DCDC1: variants seen among roughly 807,000 people sequenced by gnomAD.
The protein encoded by DCDC1 is doublecortin domain containing 1.
In DCDC1, 200 loss-of-function variants were observed where a neutral mutation model predicts 178.3. The observed-to-expected ratio is 1.12, with a 90% confidence interval of 1.00 to 1.26. The LOEUF (loss-of-function observed/expected upper bound fraction) is 1.26. DCDC1 is among the 50% of genes most tolerant of loss of function. DCDC1 has a pLI of 0.00. For synonymous variants in DCDC1, 690 were observed against 604.8 expected, an observed-to-expected ratio of 1.14 and a Z score of -2.07; for missense variants, 1,983 against 1,749.2, an observed-to-expected ratio of 1.13 and a Z score of -2.38.
chr11:31,183,811 T>A (rs1044063778), intron 9 of DCDC1, among the ~76,000 whole-genome samples: 1 of 152,124 alleles, frequency 6.6e-6, no homozygotes, highest in Non-Finnish European at 1.5e-5. Flanking sequence ...GGAAAAACAT[T>A]CCATGTTCAT....
intron 30 of DCDC1, 83 bp downstream of exon 30, chr11:30,906,457 T>C (rs1945068196): frequency 1.4e-6 from 2 of 1,381,120 alleles, no homozygotes. Flanking sequence ...GAGATGAACT[T>C]GAGTGCAAGG....
chr11:31,146,404 A>G lies in DCDC1; in HGVS notation c.1222-8620T>C, dbSNP rs189369695. Among the ~76,000 whole-genome samples, 49 of 152,040 alleles carry G rather than the reference A, an allele frequency of 3.2e-4. No individual in the cohort carries two copies. The East Asian group carries it at 7.0e-3, about 22-fold the overall frequency. ...CCCAGCCCTAGTCATTTAAATAGTT[A>G]TTTTAGGTCATGATTTCTCTCAGAA... On this transcript the variant is annotated intron_variant, in intron 9 of 38. Transcript: ENST00000684477.
At chr11:31,224,602 T>A (rs954897997) in intron 9 of DCDC1, among the ~76,000 whole-genome samples, 5 of 152,040 alleles carry the variant, frequency 3.3e-5, no homozygotes, top group Admixed American at 6.6e-5. Flanking sequence ...ATTTGCAAAC[T>A]ATGCAGCAGA....
intron 20 of DCDC1, among the ~76,000 whole-genome samples, chr11:30,997,116 T>G (rs1194505056): frequency 6.6e-6 from 1 of 152,174 alleles, no homozygotes; most frequent in Non-Finnish European, 1.5e-5. Flanking sequence ...CCATTTTGAA[T>G]GACATTATGT....
intron 20 of DCDC1, among the ~76,000 whole-genome samples, chr11:31,034,291 A>T (rs551411810): frequency 1.4e-3 from 144 of 105,244 alleles, no homozygotes; most frequent in Non-Finnish European, 1.6e-3. Flanking sequence ...ATTTAAGTTC[A>T]TAAAGTAAAA....
At chr11:31,121,322 C>T (rs191473583) in intron 11 of DCDC1, among the ~76,000 whole-genome samples, 3 of 151,148 alleles carry the variant, frequency 2.0e-5, no homozygotes, top group Admixed American at 6.6e-5. Flanking sequence ...CAACTCTTTC[C>T]TAAAATTCCT....
intron 18 of DCDC1, among the ~76,000 whole-genome samples, chr11:31,069,140 C>T (rs573834500): frequency 2.9e-4 from 44 of 152,138 alleles, no homozygotes; most frequent in Middle Eastern, 3.4e-3. Flanking sequence ...CATGAGCCAC[C>T]GCGCCTGGCC....
chr11:30,963,470 C>A (rs1445123903), intron 20 of DCDC1, among the ~76,000 whole-genome samples: 1 of 152,118 alleles, frequency 6.6e-6, no homozygotes, highest in Non-Finnish European at 1.5e-5. Flanking sequence ...TACAAGATTT[C>A]TTTGCATTTA....
rs137955297 is a variant in DCDC1, at chr11:30,870,218, C to T, written c.*41-4886G>A. Reference sequence around the variant, plus strand: ...TTGACCCTGGTATGTGCTGTTGCTGCGGTGCCTGTATTGCTGGTGAAAACT... The same window carrying T: ...TTGACCCTGGTATGTGCTGTTGCTGTGGTGCCTGTATTGCTGGTGAAAACT... On this transcript the variant is annotated intron_variant, in intron 38 of 38. Coordinates refer to ENST00000684477, the MANE Select transcript of DCDC1 (RefSeq NM_001387274.1). Among the ~76,000 whole-genome samples the T allele has an allele frequency of 2.4e-3, 370 of 152,248 alleles. 2 individuals carry two copies. Among genetic ancestry groups the T allele is most frequent in the African/African-American group, 8.6e-3 (356 of 41,558 alleles).
In DCDC1 at chr11:31,339,753, G is replaced by T. The variant is rs141823684; in HGVS notation, c.-124-4189C>A. On this transcript the variant is annotated intron_variant, in intron 1 of 38. Coordinates refer to ENST00000684477, the MANE Select transcript of DCDC1 (RefSeq NM_001387274.1). ...AGCAACATTGTAATCACAGAAGAAA[G>T]GATTCCTTACAGGACTAAAGTAGAT... Among the ~76,000 whole-genome samples the T allele has an allele frequency of 3.2e-4, 48 of 152,214 alleles. No homozygotes were observed. In the South Asian group the frequency reaches 3.5e-3, roughly 11 times the overall value.
At chr11:30,960,055 T>C (rs1161138112) in intron 20 of DCDC1, among the ~76,000 whole-genome samples, 9 of 152,170 alleles carry the variant, frequency 5.9e-5, no homozygotes, top group Non-Finnish European at 1.2e-4. Flanking sequence ...AGGAGCAATC[T>C]AAATCTCTAT....
chr11:30,903,419 T>C (rs1266449268), intron 32 of DCDC1, 63 bp downstream of exon 32: 8 of 1,372,220 alleles, frequency 5.8e-6, no homozygotes, highest in Non-Finnish European at 7.6e-6. Context: ...GAAATAATCA[T>C]GTTTAACGTT....
intron 7 of DCDC1, among the ~76,000 whole-genome samples, chr11:31,273,677 G>T (rs1006149500): frequency 1.3e-5 from 2 of 152,212 alleles, no homozygotes; most frequent in South Asian, 4.1e-4. Context: ...TTCGAAAGTC[G>T]CTTCCACATT....
At chr11:31,368,087 GTCTAGATA>G (rs1488228540) in intron 1 of DCDC1, among the ~76,000 whole-genome samples, 1 of 152,082 alleles carries the variant, frequency 6.6e-6, no homozygotes, top group Non-Finnish European at 1.5e-5. Flanking sequence ...TGTAAGTAAG[GTCTAGATA>G]TTATGTGACA....
At chr11:31,278,278 TA>T (rs1946142044) in intron 7 of DCDC1, among the ~76,000 whole-genome samples, 1 of 152,266 alleles carries the variant, frequency 6.6e-6, no homozygotes, top group South Asian at 2.1e-4. Context: ...TTGATTATTT[TA>T]GCTTTATAAT....
At chr11:31,031,145 A>G (rs886726952) in intron 20 of DCDC1, among the ~76,000 whole-genome samples, 6 of 152,184 alleles carry the variant, frequency 3.9e-5, no homozygotes, top group African/African-American at 1.2e-4. Flanking sequence ...AGAATTTTGA[A>G]TCACGAACAT....
chr11:31,071,504 A>G (rs2135525797), intron 18 of DCDC1, among the ~76,000 whole-genome samples: 1 of 152,214 alleles, frequency 6.6e-6, no homozygotes, highest in South Asian at 2.1e-4. Flanking sequence ...ATGGTCCCCA[A>G]AGTTCCCTGC....
intron 36 of DCDC1, among the ~76,000 whole-genome samples, chr11:30,891,624 CT>C (rs2134048269): frequency 6.6e-6 from 1 of 152,302 alleles, no homozygotes; most frequent in African/African-American, 2.4e-5. Flanking sequence ...GACATTTCAG[CT>C]TTGTTATAGT....
At chr11:31,180,964 G>A (rs539380513) in intron 9 of DCDC1, among the ~76,000 whole-genome samples, 1 of 152,286 alleles carries the variant, frequency 6.6e-6, no homozygotes. Context: ...AGATCCACTG[G>A]TTTGAAATTC....
Sources: gnomAD v4.1 joint callset for allele counts (sites outside exome capture counted in the v4.1 genomes callset) on GRCh38, gnomAD v4.1.1 for gene constraint, MANE v1.5 for transcripts, NCBI Gene and HGNC (gene_info 2026-07-23, HGNC 2026-07-21) for gene names.